The following NUP153 variants were observed in gnomAD, a reference collection of about 807,000 sequenced individuals.
NUP153 encodes the protein nuclear pore complex protein Nup153.
NUP153 carries 27 observed loss-of-function variants against 134.6 expected under a neutral mutation model. The ratio of observed to expected loss-of-function variants is 0.20; its 90% CI spans 0.15 to 0.28. The LOEUF (loss-of-function observed/expected upper bound fraction) is 0.28. NUP153 is among the 10% of genes least tolerant of loss of function. The pLI, the probability that NUP153 is intolerant of heterozygous loss-of-function variation, is 1.00. For synonymous variants in NUP153, 640 were observed against 623.5 expected, an observed-to-expected ratio of 1.03 and a Z score of -0.40; for missense variants, 1,821 against 1,731.3, an observed-to-expected ratio of 1.05 and a Z score of -0.92.
intron 20 of NUP153, 58 bp from the exon 21 acceptor site, chr6:17,616,753 G>GT: frequency 6.5e-7 from 1 of 1,528,688 alleles, no homozygotes; most frequent in Non-Finnish European, 9.0e-7. Flanking sequence ...TTTTTTGTTT[G>GT]TTTGTTTGTT....
chr6:17,656,838 G>A (rs765296434), intron 11 of NUP153, among the ~76,000 whole-genome samples: 16 of 152,168 alleles, frequency 1.1e-4, no homozygotes, highest in Non-Finnish European at 1.5e-4. Flanking sequence ...CTCTTTATGG[G>A]CCACATGTGC....
At chr6:17,687,910 C>G (rs1331462784) in intron 2 of NUP153, among the ~76,000 whole-genome samples, 2 of 151,898 alleles carry the variant, frequency 1.3e-5, no homozygotes, top group South Asian at 2.1e-4. Flanking sequence ...GTCAGGAGAT[C>G]GAGACCATCC....
At chr6:17,693,234 T>G (rs1477025383) in intron 1 of NUP153, among the ~76,000 whole-genome samples, 1 of 144,714 alleles carries the variant, frequency 6.9e-6, no homozygotes, top group African/African-American at 2.6e-5. Context: ...AATCACAGAT[T>G]TGATGCTGTG....
chr6:17,668,345 G>C (rs1767676673), intron 8 of NUP153, among the ~76,000 whole-genome samples: 1 of 151,796 alleles, frequency 6.6e-6, no homozygotes, highest in Non-Finnish European at 1.5e-5. Context: ...CTCCCAAAGT[G>C]CTAGGATTAC....
intron 9 of NUP153, among the ~76,000 whole-genome samples, chr6:17,663,196 C>G (rs949824414): frequency 6.6e-6 from 1 of 151,134 alleles, no homozygotes; most frequent in African/African-American, 2.4e-5. Context: ...TCTTGCAAAT[C>G]TGTAGAAGTC....
chr6:17,668,036 G>A (rs972675213), intron 8 of NUP153, among the ~76,000 whole-genome samples: 1 of 147,296 alleles, frequency 6.8e-6, no homozygotes, highest in African/African-American at 2.5e-5. Flanking sequence ...ATACAAAGAT[G>A]ATGATGTGCA....
rs1033808183 is a variant in NUP153, at chr6:17,699,028, C to A, written c.111+7249G>T. 5.9e-5 allele frequency among the ~76,000 whole-genome samples: 9 copies of A among 151,994 alleles called. 1 individual carries two copies. Among genetic ancestry groups the A allele is most frequent in the Admixed American group, 5.9e-4 (9 of 15,228 alleles). On this transcript the variant is annotated intron_variant, in intron 1 of 21. Coordinates refer to ENST00000262077, the MANE Select transcript of NUP153 (RefSeq NM_005124.4). Reference sequence around the variant, plus strand: ...ACACTAAGAAAAAGATATGCAAAATCAAGCAAACTGAAATATCTATAGATA... The same window carrying A: ...ACACTAAGAAAAAGATATGCAAAATAAAGCAAACTGAAATATCTATAGATA...
chr6:17,616,290 G>GGGGGGGGGGGGGGGCCC, intron 21 of NUP153, 109 bp from the exon 22 acceptor site: 2 of 473,868 alleles, frequency 4.2e-6, no homozygotes, highest in Non-Finnish European at 7.8e-6. Context: ...GGTGGGGGGG[G>GGGGGGGGGGGGGGGCCC]AGTAGACTCA....
In NUP153 at chr6:17,706,092, C is replaced by A. The variant is rs1770473013; in HGVS notation, c.111+185G>T. ...CAAACCACACGTGTGCGCCGCAAGG[C>A]TGGGCCTGTCTCAGCCCACTTCCCG... On this transcript the variant is annotated intron_variant, in intron 1 of 21. Coordinates refer to ENST00000262077, the MANE Select transcript of NUP153 (RefSeq NM_005124.4). This position sits in a 1 kb window ranked among gnomAD's most constrained non-coding sequence, Gnocchi z 5.9. 6.6e-6 allele frequency among the ~76,000 whole-genome samples: 1 copy of A among 152,236 alleles called. No homozygotes were observed. The highest frequency in any genetic ancestry group is 1.5e-5 in the Non-Finnish European group (1 of 68,044).
chr6:17,694,328 T>C (rs568344536), intron 1 of NUP153, among the ~76,000 whole-genome samples: 1 of 152,320 alleles, frequency 6.6e-6, no homozygotes, highest in East Asian at 1.9e-4. Context: ...GGTCCATTTA[T>C]GTACTGTTTT....
At chr6:17,616,283 G>GA (rs1437332350) in intron 21 of NUP153, 102 bp from the exon 22 acceptor site, 4 of 430,128 alleles carry the variant, frequency 9.3e-6, no homozygotes, top group East Asian at 5.0e-5. Context: ...GGGGTCGGGT[G>GA]GGGGGGGAGT....
In NUP153 at chr6:17,616,795, G is replaced by A. The variant is rs1014614459; in HGVS notation, c.4175-100C>T. On this transcript the variant is annotated intron_variant, in intron 20 of 21. Coordinates refer to ENST00000262077, the MANE Select transcript of NUP153 (RefSeq NM_005124.4). ...GACGGAGTCTCGCTCTCTTGCCCAG[G>A]CTGGAGTACAGTGGCACAATCTTGG... 11 of 1,163,688 alleles carry A rather than the reference G, an allele frequency of 9.5e-6. No individual in the cohort carries two copies. In the Middle Eastern group the frequency reaches 1.1e-3, roughly 121 times the overall value. The allele number at this position is 1,163,688 out of a possible 1,614,324, so 72.1% of individuals were successfully genotyped here.
chr6:17,656,097 C>G (rs1235882996), intron 11 of NUP153, among the ~76,000 whole-genome samples: 1 of 150,956 alleles, frequency 6.6e-6, no homozygotes, highest in Non-Finnish European at 1.5e-5. Context: ...CCCAGCTACT[C>G]AGGAGGCTGA....
chr6:17,623,333 G>A (rs943692575), intron 20 of NUP153, among the ~76,000 whole-genome samples: 3 of 115,936 alleles, frequency 2.6e-5, no homozygotes, highest in Admixed American at 1.0e-4. Context: ...AAACTTACAC[G>A]CAAAAGCCAA....
At chr6:17,702,258 A>T (rs1770160952) in intron 1 of NUP153, among the ~76,000 whole-genome samples, 1 of 152,190 alleles carries the variant, frequency 6.6e-6, no homozygotes, top group Admixed American at 6.5e-5. Flanking sequence ...CTGTAATACC[A>T]GCACTTTGGG....
At chr6:17,629,909 A>AT (rs1765146168) in intron 17 of NUP153, among the ~76,000 whole-genome samples, 1 of 152,254 alleles carries the variant, frequency 6.6e-6, no homozygotes, top group Non-Finnish European at 1.5e-5. Context: ...TTACAAATGC[A>AT]TATACCCTTT....
intron 17 of NUP153, among the ~76,000 whole-genome samples, chr6:17,630,431 G>A (rs1458858261): frequency 1.3e-5 from 2 of 152,080 alleles, no homozygotes; most frequent in Non-Finnish European, 2.9e-5. Context: ...AGGCCAAGGC[G>A]GGCAGATCAC....
intron 1 of NUP153, among the ~76,000 whole-genome samples, chr6:17,689,323 G>T (rs79841096): frequency 0.012 from 1,875 of 152,002 alleles, 39 homozygotes; most frequent in African/African-American, 0.042. Context: ...GGAGACAGAG[G>T]TTACAGGGAG....
chr6:17,645,448 C>T (rs115995308), intron 14 of NUP153, among the ~76,000 whole-genome samples: 1,587 of 149,906 alleles, frequency 0.011, 11 homozygotes, highest in Non-Finnish European at 0.017. Flanking sequence ...CTCACACCAC[C>T]ACCTGGTTAT....
Sources: gnomAD v4.1 joint callset for allele counts (sites outside exome capture counted in the v4.1 genomes callset) on GRCh38, gnomAD v4.1.1 for gene constraint, Gnocchi (gnomAD v3.1) non-coding constraint, MANE v1.5 for transcripts, NCBI Gene and HGNC (gene_info 2026-07-23, HGNC 2026-07-21) for gene names.